WDFY4: variants seen among roughly 807,000 people sequenced by gnomAD.
The protein encoded by WDFY4 is WD repeat- and FYVE domain-containing protein 4.
Under a neutral mutation model 351.9 loss-of-function variants are expected in WDFY4, and 169 were observed. The observed-to-expected ratio is 0.48, with a 90% CI of 0.42 to 0.55. The LOEUF is 0.55. Among genes scored for constraint, WDFY4 ranks in the 20% least tolerant of loss-of-function variants. WDFY4 has a pLI of 0.00. For synonymous variants in WDFY4, 1,622 were observed against 1,574.6 expected (o/e 1.03, Z -0.71); for missense variants, 3,803 against 3,935.6 (o/e 0.97, Z 0.90).
chr10:48,721,074 AAGG>A lies in WDFY4; in HGVS notation c.350-184_350-182del, dbSNP rs1244975825. On this transcript the variant is annotated intron_variant, in intron 3 of 61. Coordinates refer to ENST00000325239, the MANE Select transcript of WDFY4 (RefSeq NM_001394531.1). ...GGTGGCACAAAAAACGCTGTCTTCC[AAGG>A]AGATTAGTCTGGCAGGGTGTGGAGC... Among the ~76,000 whole-genome samples the A allele has an allele frequency of 2.0e-5, 3 of 152,298 alleles. No homozygotes were observed. In the South Asian group the frequency reaches 6.2e-4, roughly 32 times the overall value.
intron 47 of WDFY4, among the ~76,000 whole-genome samples, chr10:48,931,155 G>A (rs1055182916): frequency 1.3e-5 from 2 of 152,034 alleles, no homozygotes; most frequent in African/African-American, 4.8e-5. Flanking sequence ...TCCTCTTAGA[G>A]GACAGGGTGG....
In WDFY4 at chr10:48,821,100, C is replaced by T; in HGVS notation, c.5748C>T (p.Asp1916=). 1 of 1,551,760 alleles carries T rather than the reference C, an allele frequency of 6.4e-7. No individual in the cohort carries two copies. Among genetic ancestry groups the T allele is most frequent in the Non-Finnish European group, 8.7e-7 (1 of 1,146,998 alleles). Residue 1916 remains aspartate (D), a synonymous_variant, in exon 34 of 62, where the codon GAC becomes GAT. Transcript: ENST00000325239. ...PDHATSQQKR[D]FQSEVLLSAM... ...ACGCCACCAGCCAACAGAAGCGAGA[C>T]TTCCAGTCCGAGGTCCTGCTTTCTG...
intron 51 of WDFY4, among the ~76,000 whole-genome samples, chr10:48,949,030 T>C (rs905562829): frequency 4.6e-5 from 7 of 152,198 alleles, no homozygotes; most frequent in Non-Finnish European, 1.0e-4. Context: ...TAAAATTAGT[T>C]TGAGATGGTC....
intron 47 of WDFY4, among the ~76,000 whole-genome samples, chr10:48,924,396 T>A (rs1554813120): frequency 6.6e-6 from 1 of 152,184 alleles, no homozygotes; most frequent in Non-Finnish European, 1.5e-5. Flanking sequence ...TATTATCAGT[T>A]CATAGAATTC....
rs77619638 is a variant in WDFY4, at chr10:48,974,088, G to A, written c.8929-774G>A. ...CAGACTTCAGGGCCCCATCCCCAGC[G>A]TTTCTGATTCAGGAGATTTGGAGTG... On this transcript the variant is annotated intron_variant, in intron 57 of 61. Coordinates refer to ENST00000325239, the MANE Select transcript of WDFY4 (RefSeq NM_001394531.1). Among the ~76,000 whole-genome samples the A allele has an allele frequency of 4.9e-3, 745 of 152,244 alleles. 6 individuals are homozygous for A. The highest frequency in any genetic ancestry group is 0.017 in the African/African-American group (709 of 41,542).
At chr10:48,858,166 AT>A (rs1306010272) in intron 39 of WDFY4, among the ~76,000 whole-genome samples, 21 of 152,128 alleles carry the variant, frequency 1.4e-4, no homozygotes, top group Non-Finnish European at 3.1e-4. Context: ...TCTTACAAAT[AT>A]TTTCTCTCAG....
chr10:48,962,448 G>A (rs1366228599), intron 53 of WDFY4, among the ~76,000 whole-genome samples: 1 of 152,194 alleles, frequency 6.6e-6, no homozygotes, highest in Non-Finnish European at 1.5e-5. Flanking sequence ...TGGGCACCTA[G>A]CCCTGAAGCT....
At chr10:48,885,757 G>C (rs2070430122) in intron 43 of WDFY4, among the ~76,000 whole-genome samples, 1 of 151,910 alleles carries the variant, frequency 6.6e-6, no homozygotes, top group Non-Finnish European at 1.5e-5. Context: ...TAGATAGGTA[G>C]ATAGATAGAT....
At chr10:48,762,382 C>G (rs772734930) in intron 13 of WDFY4, among the ~76,000 whole-genome samples, 6 of 152,206 alleles carry the variant, frequency 3.9e-5, no homozygotes, top group Non-Finnish European at 8.8e-5. Context: ...TGTTCCCCTG[C>G]TGGAGAGTGA....
At chr10:48,852,967 G>A (rs562260777) in intron 39 of WDFY4, among the ~76,000 whole-genome samples, 116 of 152,084 alleles carry the variant, frequency 7.6e-4, no homozygotes, top group Non-Finnish European at 1.4e-3. Context: ...TTAATCACTC[G>A]TCTGAAATGA....
rs760347643 is a variant in WDFY4 at position 48,813,942 on chromosome 10, T to C, written c.5215-15T>C. Reference sequence around the variant, plus strand: ...TAGCCGCAGGTCTGCTTACAGCTCCTGCCTCCTCTTCCAGGACAGCCTTGA... The same window carrying C: ...TAGCCGCAGGTCTGCTTACAGCTCCCGCCTCCTCTTCCAGGACAGCCTTGA... On this transcript the variant is annotated splice_polypyrimidine_tract_variant and intron_variant, in intron 30 of 61. Transcript: ENST00000325239. 15 of 1,527,654 alleles carry C rather than the reference T, an allele frequency of 9.8e-6. No individual in the cohort carries two copies. The highest frequency in any genetic ancestry group is 2.8e-5 in the African/African-American group (2 of 72,216). The allele number at this position is 1,527,654 out of a possible 1,614,324, so 94.6% of individuals were successfully genotyped here.
chr10:48,752,004 G>A (rs1475905327), intron 12 of WDFY4, among the ~76,000 whole-genome samples: 1 of 152,138 alleles, frequency 6.6e-6, no homozygotes, highest in Non-Finnish European at 1.5e-5. Context: ...CAGGCACTTT[G>A]GGATTTGTAC....
At chr10:48,693,208 C>T (rs983456953) in intron 1 of WDFY4, among the ~76,000 whole-genome samples, 11 of 152,150 alleles carry the variant, frequency 7.2e-5, no homozygotes, top group South Asian at 2.1e-4. Flanking sequence ...CTGCGGAGGA[C>T]GTTTGCTCAG....
At chr10:48,711,793 G>T (rs2063774382) in intron 2 of WDFY4, among the ~76,000 whole-genome samples, 1 of 152,166 alleles carries the variant, frequency 6.6e-6, no homozygotes, top group African/African-American at 2.4e-5. Context: ...GCCTGCAGGG[G>T]TTCAGAATGA....
In WDFY4 at chr10:48,820,425, G is replaced by C; in HGVS notation, c.5697G>C (p.Glu1899Asp). 1 of 1,551,228 alleles carries C rather than the reference G, an allele frequency of 6.4e-7. No individual in the cohort carries two copies. The highest frequency in any genetic ancestry group is 1.4e-5 in the African/African-American group (1 of 73,156). ...ASSPKQWLPL[E>D]VLLEASPDHA... ...GCCCCAAGCAGTGGCTGCCCCTGGA[G>C]GTGCTCCTGGAGGTGGGTTGGAAAA... Residue 1899 changes from glutamate to aspartate, a missense_variant, in exon 33 of 62, where the codon GAG (glutamate) becomes GAC (aspartate). This residue lies in a region of WDFY4 where 3,054 missense variants were observed against 3,148.6 expected (regional missense o/e 0.97). Coordinates refer to ENST00000325239, the MANE Select transcript of WDFY4 (RefSeq NM_001394531.1).
At chr10:48,830,612 T>C (rs555159739) in intron 37 of WDFY4, 88 bp from the exon 38 acceptor site, 12 of 1,431,336 alleles carry the variant, frequency 8.4e-6, no homozygotes, top group Middle Eastern at 2.5e-4. Flanking sequence ...AGGGTGTGGG[T>C]AAAACCACTC....
At chr10:48,833,172 T>TGTGTGAGA (rs372781295) in intron 39 of WDFY4, among the ~76,000 whole-genome samples, 4 of 135,902 alleles carry the variant, frequency 2.9e-5, no homozygotes, top group African/African-American at 8.3e-5. Flanking sequence ...TGTGTGTGTG[T>TGTGTGAGA]GAGAGAGAGA....
At chr10:48,853,096 T>C (rs1394952919) in intron 39 of WDFY4, among the ~76,000 whole-genome samples, 2 of 152,176 alleles carry the variant, frequency 1.3e-5, no homozygotes, top group Non-Finnish European at 2.9e-5. Context: ...TTGGTTTTCA[T>C]GATTTTCCCC....
intron 28 of WDFY4, among the ~76,000 whole-genome samples, chr10:48,809,354 A>G (rs1034299973): frequency 1.3e-5 from 2 of 149,566 alleles, no homozygotes; most frequent in East Asian, 1.9e-4. Context: ...CATCATCACC[A>G]CATTAATCAC....
Sources: gnomAD v4.1 joint callset for allele counts (sites outside exome capture counted in the v4.1 genomes callset) on GRCh38, gnomAD v4.1.1 for gene constraint, gnomAD v4.1.1 regional missense constraint, MANE v1.5 for transcripts, NCBI Gene and HGNC (gene_info 2026-07-23, HGNC 2026-07-21) for gene names.